The following SLC5A4 variants were observed in gnomAD, a reference collection of about 807,000 sequenced individuals.
The protein encoded by SLC5A4 is solute carrier family 5 member 4.
Under a neutral mutation model 70.3 loss-of-function variants are expected in SLC5A4, and 55 were observed. The ratio of observed to expected loss-of-function variants is 0.78; its 90% CI spans 0.63 to 0.98. The LOEUF is 0.98. SLC5A4 is among the 50% of genes least tolerant of loss of function. SLC5A4 has a pLI of 0.00. For missense variants in SLC5A4, 735 were observed against 839.2 expected (o/e 0.88, Z 1.53); for synonymous variants, 268 against 305.7 (o/e 0.88, Z 1.29).
the SLC5A4 span, among the ~76,000 whole-genome samples, chr22:32,322,701 TCTGAGAAGTGCTTC>T: frequency 2.0e-5 from 3 of 152,142 alleles, no homozygotes; most frequent in African/African-American, 4.8e-5. Flanking sequence ...ACAAATGGGT[TCTGAGAAGTGCTTC>T]CTGCCCCTGG....
At chr22:32,261,224 G>T in the SLC5A4 span, among the ~76,000 whole-genome samples, 2 of 152,200 alleles carry the variant, frequency 1.3e-5, no homozygotes, top group Admixed American at 6.5e-5. Flanking sequence ...GAGCTGGGTG[G>T]TCCACACCCC....
the SLC5A4 span, among the ~76,000 whole-genome samples, chr22:32,277,957 A>T: frequency 1.3e-5 from 2 of 152,166 alleles, no homozygotes; most frequent in African/African-American, 4.8e-5. Context: ...CATTCATATC[A>T]CATCTTCAGA....
chr22:32,289,518 G>A, the SLC5A4 span, among the ~76,000 whole-genome samples: 3 of 152,146 alleles, frequency 2.0e-5, no homozygotes, highest in South Asian at 4.2e-4. Flanking sequence ...ACGGAGTTTC[G>A]CTCTTGTTGC....
intron 13 of SLC5A4, among the ~76,000 whole-genome samples, chr22:32,223,164 G>A (rs937635856): frequency 2.0e-5 from 3 of 152,150 alleles, no homozygotes; most frequent in Admixed American, 1.3e-4. Flanking sequence ...AATGTTCAGT[G>A]CCCTGTGTTT....
At chr22:32,225,456 A>G (rs1360029488) in intron 12 of SLC5A4, among the ~76,000 whole-genome samples, 199 bp downstream of exon 12, 1 of 152,242 alleles carries the variant, frequency 6.6e-6, no homozygotes, top group African/African-American at 2.4e-5. Context: ...TGTAAGAAAC[A>G]TATAAAGACT....
At chr22:32,271,407 CA>C in the SLC5A4 span, 1 of 768,410 alleles carries the variant, frequency 1.3e-6, no homozygotes, top group Non-Finnish European at 2.4e-6. Flanking sequence ...GCATGTGGAC[CA>C]AAAGCTGCTT....
At chr22:32,255,673 A>T (rs1250900729), upstream of SLC5A4, among the ~76,000 whole-genome samples, 2 of 152,182 alleles carry the variant, frequency 1.3e-5, no homozygotes, top group Non-Finnish European at 2.9e-5. Flanking sequence ...AGAAGGACAG[A>T]CTAGAAGGTA....
chr22:32,267,319 T>G, the SLC5A4 span, among the ~76,000 whole-genome samples: 2 of 152,164 alleles, frequency 1.3e-5, no homozygotes, highest in Admixed American at 6.5e-5. Flanking sequence ...GGAGGGACAC[T>G]CTACACAAAA....
chr22:32,335,893 C>G, the SLC5A4 span, among the ~76,000 whole-genome samples: 1 of 152,224 alleles, frequency 6.6e-6, no homozygotes, highest in Non-Finnish European at 1.5e-5. Context: ...GAGCATCCTC[C>G]AGCCCACGGG....
the SLC5A4 span, chr22:32,272,800 G>A: frequency 6.5e-4 from 333 of 509,574 alleles, 5 homozygotes; most frequent in South Asian, 4.4e-3. Context: ...TAAGCATATC[G>A]CGTGGTTCGC....
At chr22:32,306,608 G>A in the SLC5A4 span, among the ~76,000 whole-genome samples, 5 of 152,160 alleles carry the variant, frequency 3.3e-5, no homozygotes, top group Non-Finnish European at 7.3e-5. Flanking sequence ...CCCCATGCCT[G>A]CTCACATGAA....
the SLC5A4 span, among the ~76,000 whole-genome samples, chr22:32,330,998 G>GTGTC: frequency 5.9e-4 from 1 of 1,698 alleles, no homozygotes; most frequent in Non-Finnish European, 1.1e-3. Flanking sequence ...GGGCTCTGGT[G>GTGTC]TGTGTGTTGG....
At chr22:32,290,689 G>A in the SLC5A4 span, among the ~76,000 whole-genome samples, 2 of 152,108 alleles carry the variant, frequency 1.3e-5, no homozygotes, top group African/African-American at 4.8e-5. Flanking sequence ...TGGCAGATGT[G>A]GGGTGTGCAG....
chr22:32,237,025 GA>G (rs1195329194), intron 7 of SLC5A4, among the ~76,000 whole-genome samples: 1 of 152,022 alleles, frequency 6.6e-6, no homozygotes, highest in Non-Finnish European at 1.5e-5. Context: ...ATTTTTAAAA[GA>G]AAGTGATGTT....
the SLC5A4 span, among the ~76,000 whole-genome samples, chr22:32,323,205 A>G: frequency 6.6e-6 from 1 of 152,052 alleles, no homozygotes; most frequent in Non-Finnish European, 1.5e-5. Flanking sequence ...AGACTACCCA[A>G]TTGAGAAGAC....
the SLC5A4 span, among the ~76,000 whole-genome samples, chr22:32,306,339 C>T: frequency 1.2e-5 from 1 of 86,460 alleles, no homozygotes; most frequent in Non-Finnish European, 2.4e-5. Context: ...GTGGCAGGTG[C>T]CTGCTAGTCC....
chr22:32,280,929 T>G, the SLC5A4 span, among the ~76,000 whole-genome samples: 1 of 152,152 alleles, frequency 6.6e-6, no homozygotes, highest in Admixed American at 6.5e-5. Flanking sequence ...TGCTACCATC[T>G]TGCCCTGAGA....
the SLC5A4 span, among the ~76,000 whole-genome samples, chr22:32,300,713 A>G: frequency 6.6e-6 from 1 of 152,298 alleles, no homozygotes; most frequent in African/African-American, 2.4e-5. Context: ...AGCTTCATCC[A>G]GATTTTTGCA....
intron 14 of SLC5A4, among the ~76,000 whole-genome samples, chr22:32,219,603 A>G (rs1924935521): frequency 7.1e-6 from 1 of 141,446 alleles, no homozygotes. Flanking sequence ...GATTTACCGG[A>G]AATGAATGAG....
Sources: allele counts gnomAD v4.1 joint callset (sites outside exome capture counted in the v4.1 genomes callset), GRCh38; gene constraint gnomAD v4.1.1; transcripts MANE v1.5; gene names NCBI Gene and HGNC (gene_info 2026-07-23, HGNC 2026-07-21).